POM121C: variants seen among roughly 807,000 people sequenced by gnomAD.
POM121C encodes POM121 transmembrane nucleoporin C.
Under a neutral mutation model 66.4 loss-of-function variants are expected in POM121C, and 20 were observed. The observed-to-expected ratio is 0.30, with a 90% confidence interval of 0.21 to 0.44. The LOEUF is 0.44. Among genes scored for constraint, POM121C ranks in the 20% least tolerant of loss-of-function variants. POM121C has a pLI of 1.00. For synonymous variants in POM121C, 286 were observed against 528.0 expected, an observed-to-expected ratio of 0.54 and a Z score of 6.28; for missense variants, 580 against 1,225.7, an observed-to-expected ratio of 0.47 and a Z score of 7.87.
chr7:75,461,010 G>T (rs1280133382), intron 3 of POM121C, among the ~76,000 whole-genome samples: 1 of 152,114 alleles, frequency 6.6e-6, no homozygotes, highest in African/African-American at 2.4e-5. Context: ...CTGGCTGACT[G>T]CAGAGATAAT....
chr7:75,478,586 A>G (rs1336986307), intron 1 of POM121C, among the ~76,000 whole-genome samples: 1 of 151,888 alleles, frequency 6.6e-6, no homozygotes, highest in African/African-American at 2.4e-5. Flanking sequence ...GGCAAGATGT[A>G]AAAAAGACCC....
At chr7:75,448,039 A>C (rs78914663) in intron 3 of POM121C, among the ~76,000 whole-genome samples, 1 of 150,404 alleles carries the variant, frequency 6.6e-6, no homozygotes, top group Non-Finnish European at 1.5e-5. Context: ...AAAAAAAAAA[A>C]CCAACCAAAC....
At chr7:75,468,987 ATAACAACTCC>A (rs1554478261) in intron 3 of POM121C, among the ~76,000 whole-genome samples, 1 of 152,230 alleles carries the variant, frequency 6.6e-6, no homozygotes, top group African/African-American at 2.4e-5. Flanking sequence ...AACTCAATAA[ATAACAACTCC>A]ATTCTTAAAG....
chr7:75,431,030 C>T (rs782128430), intron 7 of POM121C, among the ~76,000 whole-genome samples: 16 of 124,860 alleles, frequency 1.3e-4, no homozygotes, highest in South Asian at 2.6e-4. Context: ...GAGCCCAGAT[C>T]GCATCACTGC....
At chr7:75,464,424 C>T (rs1291629569) in intron 3 of POM121C, among the ~76,000 whole-genome samples, 1 of 152,074 alleles carries the variant, frequency 6.6e-6, no homozygotes, top group African/African-American at 2.4e-5. Context: ...ATGGCGAAAC[C>T]CCCTCTCTAC....
chr7:75,451,099 C>T (rs587646545), intron 3 of POM121C, among the ~76,000 whole-genome samples: 5 of 152,320 alleles, frequency 3.3e-5, no homozygotes, highest in Admixed American at 1.3e-4. Context: ...AATGGCTATA[C>T]TACCCAAAGT....
intron 3 of POM121C, among the ~76,000 whole-genome samples, chr7:75,452,122 C>A (rs1791042774): frequency 6.6e-6 from 1 of 152,182 alleles, no homozygotes; most frequent in South Asian, 2.1e-4. Flanking sequence ...CGAGATCGCG[C>A]TGCTGCATTC....
chr7:75,451,086 GA>G (rs1252555034), intron 3 of POM121C, among the ~76,000 whole-genome samples: 2 of 152,122 alleles, frequency 1.3e-5, no homozygotes, highest in Non-Finnish European at 2.9e-5. Context: ...TCAGTATTGT[GA>G]AAATGGCTAT....
intron 3 of POM121C, among the ~76,000 whole-genome samples, chr7:75,467,795 A>C (rs1203755417): frequency 6.6e-6 from 1 of 152,050 alleles, no homozygotes; most frequent in African/African-American, 2.4e-5. Flanking sequence ...CTCATTGAGC[A>C]CCTACCTATG....
chr7:75,440,350 G>A (rs1211444146), intron 5 of POM121C, among the ~76,000 whole-genome samples: 2 of 151,114 alleles, frequency 1.3e-5, no homozygotes, highest in South Asian at 2.1e-4. Flanking sequence ...GGCGGATCAC[G>A]AGGTCAGGAG....
At chr7:75,424,503 G>A in intron 11 of POM121C, 23 bp downstream of exon 11, 1 of 1,610,838 alleles carries the variant, frequency 6.2e-7, no homozygotes, top group Non-Finnish European at 8.5e-7. Flanking sequence ...CCTCTCGAGA[G>A]TGCAACGATC....
chr7:75,430,176 A>C (rs782168355), intron 7 of POM121C, among the ~76,000 whole-genome samples: 12 of 152,194 alleles, frequency 7.9e-5, no homozygotes, highest in South Asian at 4.1e-4. Context: ...AAGTTGATCT[A>C]AAAATTATAT....
In POM121C at chr7:75,485,882, C is replaced by T. The variant is rs1323125532; in HGVS notation, c.-476G>A. 3 of 506,126 alleles carry T rather than the reference C, an allele frequency of 5.9e-6. No individual in the cohort carries two copies. The highest frequency in any genetic ancestry group is 1.2e-5 in the Non-Finnish European group (3 of 255,860). The allele number at this position is 506,126 out of a possible 1,614,324, so 31.4% of individuals were successfully genotyped here. On this transcript the variant is annotated 5_prime_UTR_variant, in exon 1 of 15. Coordinates refer to ENST00000615331, the MANE Select transcript of POM121C (RefSeq NM_001099415.3). Reference sequence around the variant, plus strand: ...GACTTACCCTCCTGGGGCTCCGCAGCCTCTGCCCCACGGCTCCCGAGAGGC... The same window carrying T: ...GACTTACCCTCCTGGGGCTCCGCAGTCTCTGCCCCACGGCTCCCGAGAGGC...
intron 3 of POM121C, among the ~76,000 whole-genome samples, chr7:75,450,138 T>C (rs587635207): frequency 1.3e-5 from 2 of 152,370 alleles, no homozygotes; most frequent in African/African-American, 4.8e-5. Context: ...TCAGCCCTGC[T>C]GGCACCTTGA....
intron 3 of POM121C, among the ~76,000 whole-genome samples, chr7:75,463,322 C>T (rs587639390): frequency 7.2e-5 from 11 of 151,930 alleles, no homozygotes; most frequent in South Asian, 2.1e-4. Context: ...TCAGCCTAGG[C>T]GACAGGGCAA....
At chr7:75,441,856 T>C (rs1426202905) in intron 3 of POM121C, among the ~76,000 whole-genome samples, 1 of 151,434 alleles carries the variant, frequency 6.6e-6, no homozygotes, top group African/African-American at 2.4e-5. Flanking sequence ...CAACAATGGA[T>C]TGCAACAATT....
Position 75,422,207 on chromosome 7 carries a change from G to GT in POM121C, c.2044dup (p.Thr682AsnfsTer30). 6.2e-7 allele frequency: 1 copy of GT among 1,610,938 alleles called. No individual in the cohort carries two copies. The highest frequency in any genetic ancestry group is 1.7e-5 in the Admixed American group (1 of 59,952). Reference sequence around the variant, plus strand: ...GCTTGAGCCAAAGGGAATGTTGAACGTGGGGGTGCTCGTGTTACTGAACGT... The same window carrying GT: ...GCTTGAGCCAAAGGGAATGTTGAACGTTGGGGGTGCTCGTGTTACTGAACGT... On this transcript the variant is annotated frameshift_variant, in exon 13 of 15. Coordinates refer to ENST00000615331, the MANE Select transcript of POM121C (RefSeq NM_001099415.3). LOFTEE classifies it high-confidence loss of function.
At chr7:75,475,293 AT>A in intron 1 of POM121C, 105 bp from the exon 2 acceptor site, 1 of 1,166,042 alleles carries the variant, frequency 8.6e-7, no homozygotes, top group Non-Finnish European at 1.2e-6. Context: ...TGTATACCTT[AT>A]TTTATGTTAC....
rs1403413717 is a variant in POM121C at position 75,441,718 on chromosome 7, C to T, written c.-151-71G>A. On this transcript the variant is annotated intron_variant, in intron 3 of 14. Coordinates refer to ENST00000615331, the MANE Select transcript of POM121C (RefSeq NM_001099415.3). ...TGTCAAAATTTTAGACGGTTAAAAACCCACCAGTTAAGACATTTTCCAAAG... is the reference window on the plus strand; with the variant it reads ...TGTCAAAATTTTAGACGGTTAAAAATCCACCAGTTAAGACATTTTCCAAAG... 4.6e-6 allele frequency: 6 copies of T among 1,316,466 alleles called. No homozygotes were observed. The Admixed American group carries it at 1.3e-4, about 27-fold the overall frequency. 81.5% of individuals were successfully genotyped at this position (1,316,466 alleles called of 1,614,324 possible).
Sources: gnomAD v4.1 joint callset for allele counts (sites outside exome capture counted in the v4.1 genomes callset) on GRCh38, gnomAD v4.1.1 for gene constraint, MANE v1.5 for transcripts, NCBI Gene and HGNC (gene_info 2026-07-23, HGNC 2026-07-21) for gene names.